The following PHIP variants were observed in gnomAD, a reference collection of about 807,000 sequenced individuals.
The protein encoded by PHIP is PHIP subunit of CUL4-Ring ligase complex.
Under a neutral mutation model 236.8 loss-of-function variants are expected in PHIP, and 54 were observed. The observed-to-expected ratio is 0.23, with a 90% CI of 0.18 to 0.29. The LOEUF (loss-of-function observed/expected upper bound fraction) is 0.29, where lower values mean the gene tolerates loss of function less well. Ranked by LOEUF, PHIP falls within the 10% of genes least tolerant of loss-of-function variation. The pLI is 1.00. For synonymous variants in PHIP, 756 were observed against 718.9 expected, an observed-to-expected ratio of 1.05 and a Z score of -0.83; for missense variants, 1,370 against 2,190.8, an observed-to-expected ratio of 0.63 and a Z score of 7.48.
intron 6 of PHIP, among the ~76,000 whole-genome samples, chr6:79,058,987 CA>C (rs1773214446): frequency 6.6e-6 from 1 of 151,984 alleles, no homozygotes. Flanking sequence ...CCTCGTCTCT[CA>C]AATTTTTTTG....
At chr6:78,999,680 T>G (rs1769861322) in intron 17 of PHIP, among the ~76,000 whole-genome samples, 1 of 152,032 alleles carries the variant, frequency 6.6e-6, no homozygotes, top group Non-Finnish European at 1.5e-5. Flanking sequence ...TCTGATCAGC[T>G]CAGAATTTTA....
intron 24 of PHIP, among the ~76,000 whole-genome samples, chr6:78,972,377 T>A (rs1195290886): frequency 1.3e-5 from 2 of 152,148 alleles, no homozygotes; most frequent in East Asian, 3.9e-4. Flanking sequence ...AACCCATCTG[T>A]ACATCACCAT....
intron 4 of PHIP, among the ~76,000 whole-genome samples, chr6:79,066,050 A>G (rs998257948): frequency 1.2e-4 from 18 of 152,012 alleles, no homozygotes; most frequent in African/African-American, 4.3e-4. Context: ...TTAAAATAAT[A>G]TAATAATAAA....
Position 78,970,165 on chromosome 6 carries a change from T to C in PHIP, c.3006A>G (p.Glu1002=). The change falls in exon 26 of 40, where the codon GAA becomes GAG. Residue 1002 remains glutamate, a synonymous_variant. Coordinates refer to ENST00000275034, the MANE Select transcript of PHIP (RefSeq NM_017934.7). The stretch of plus-strand genomic sequence containing the variant: ...ACTTTATGCCAACTATTTTCATAAG[T>C]TCTTGTTCCTGAGAGAGACAGAGAA... The part of the protein sequence containing the change: ...PWHKMELREQ[E]LMKIVGIKYE... The C allele has an allele frequency of 6.2e-7, 1 of 1,611,408 alleles. No homozygotes were observed. The highest frequency in any genetic ancestry group is 8.5e-7 in the Non-Finnish European group (1 of 1,178,028).
chr6:79,067,140 G>T (rs573424756), intron 4 of PHIP, among the ~76,000 whole-genome samples: 39 of 152,284 alleles, frequency 2.6e-4, no homozygotes, highest in African/African-American at 8.9e-4. Flanking sequence ...TCCTGCCTCA[G>T]CCTCTCAAGT....
intron 7 of PHIP, among the ~76,000 whole-genome samples, chr6:79,030,937 TTTTGTTTGTTTG>T (rs374346514): frequency 6.6e-6 from 1 of 152,028 alleles, no homozygotes; most frequent in Non-Finnish European, 1.5e-5. Flanking sequence ...TCTTGTTTTT[TTTTGTTTGTTTG>T]TTTGTTTGTT....
chr6:78,977,586 A>AGACCTTCAAG (rs1768196103), intron 24 of PHIP, among the ~76,000 whole-genome samples: 1 of 102,420 alleles, frequency 9.8e-6, no homozygotes, highest in Non-Finnish European at 2.3e-5. Flanking sequence ...TGAATAATGA[A>AGACCTTCAAG]GACCTTCAAG....
At chr6:79,044,966 A>T (rs960142078) in intron 6 of PHIP, among the ~76,000 whole-genome samples, 2 of 152,204 alleles carry the variant, frequency 1.3e-5, no homozygotes, top group Admixed American at 6.6e-5. Flanking sequence ...TTGAAAAAAA[A>T]GAATAACCTT....
At chr6:78,979,759 C>T (rs1365531649) in intron 23 of PHIP, among the ~76,000 whole-genome samples, 1 of 152,032 alleles carries the variant, frequency 6.6e-6, no homozygotes, top group Non-Finnish European at 1.5e-5. Context: ...TGATTGTACA[C>T]TAAGACTGCT....
chr6:79,017,542 G>C lies in PHIP; in HGVS notation c.1036C>G (p.Arg346Gly). 6.2e-7 allele frequency: 1 copy of C among 1,611,916 alleles called. No homozygotes were observed. Among genetic ancestry groups the C allele is most frequent in the Non-Finnish European group, 8.5e-7 (1 of 1,178,556 alleles). Residue 346 changes from arginine (R) to glycine (G), a missense_variant, in exon 11 of 40, where the codon CGG (arginine) becomes GGG (glycine). This residue lies in a region of PHIP where 188 missense variants were observed against 354.3 expected (regional missense o/e 0.53). Coordinates refer to ENST00000275034, the MANE Select transcript of PHIP (RefSeq NM_017934.7). ...TGACCTGATCCAAAAAAATAAACCC[G>C]AATAATATGATCTGTGCTTCCCGTC... ...LATGSTDHIIRVYFFGSGQPE... is the reference protein window; with the variant it reads ...LATGSTDHIIGVYFFGSGQPE...
At chr6:78,979,503 A>C (rs555294455) in intron 23 of PHIP, among the ~76,000 whole-genome samples, 6 of 152,210 alleles carry the variant, frequency 3.9e-5, no homozygotes, top group Admixed American at 3.9e-4. Flanking sequence ...TGCAACATGT[A>C]GAAAGCTAAT....
At chr6:78,979,879 C>T (rs540272524) in intron 23 of PHIP, among the ~76,000 whole-genome samples, 1 of 152,032 alleles carries the variant, frequency 6.6e-6, no homozygotes, top group African/African-American at 2.4e-5. Flanking sequence ...ACACTACTTG[C>T]AATAGGTAAT....
At chr6:79,053,125 C>T (rs1015394196) in intron 6 of PHIP, among the ~76,000 whole-genome samples, 1 of 152,002 alleles carries the variant, frequency 6.6e-6, no homozygotes, top group African/African-American at 2.4e-5. Context: ...ACCAGCCTGG[C>T]CAACATGGTG....
In PHIP at chr6:78,935,325, T is replaced by C. The variant is rs1486246953; in HGVS notation, c.*5368A>G. 4 of 156,848 alleles carry C rather than the reference T, an allele frequency of 2.6e-5. No individual in the cohort carries two copies. Among genetic ancestry groups the C allele is most frequent in the African/African-American group, 7.2e-5 (3 of 41,536 alleles). 9.7% of individuals were successfully genotyped at this position (156,848 alleles called of 1,614,324 possible). On this transcript the variant is annotated 3_prime_UTR_variant, in exon 40 of 40. Transcript: ENST00000275034. ...CACTCCATGTGCTTAATTTGAAATG[T>C]TATGGCCTTATGTATTCATATCTAA...
At chr6:79,015,809 T>A (rs771669079) in intron 13 of PHIP, 26 bp from the exon 14 acceptor site, 7 of 1,572,696 alleles carry the variant, frequency 4.5e-6, no homozygotes, top group Non-Finnish European at 5.2e-6. Flanking sequence ...TGTTTTACAC[T>A]GACTATTAAA....
intron 27 of PHIP, among the ~76,000 whole-genome samples, chr6:78,968,208 G>A (rs1445439155): frequency 6.6e-6 from 1 of 152,138 alleles, no homozygotes; most frequent in Admixed American, 6.5e-5. Flanking sequence ...ATGTACCAAA[G>A]GCTGATAGCC....
chr6:79,062,912 C>T (rs954777930), intron 4 of PHIP, among the ~76,000 whole-genome samples: 1 of 152,208 alleles, frequency 6.6e-6, no homozygotes, highest in Non-Finnish European at 1.5e-5. Flanking sequence ...GACCTATTTA[C>T]ACCACCTGTG....
rs1774230017 is a variant in PHIP, at chr6:79,077,450, G to A, written c.187C>T (p.Leu63=). 3 of 1,601,482 alleles carry A rather than the reference G, an allele frequency of 1.9e-6. No homozygotes were observed. The highest frequency in any genetic ancestry group is 1.4e-5 in the African/African-American group (1 of 74,004). ...GCTCTGCGACGTGAATGTCTCACCA[G>A]ATTCTGGTAGGTCCTGGGATGCTCC... ...GKEHPRTYQN[L]VKYYRHLAPD... is the part of the protein sequence containing the mutation. Residue 63 remains leucine, a splice_region_variant and synonymous_variant, in exon 4 of 40, where the codon CTG becomes TTG. Coordinates refer to ENST00000275034, the MANE Select transcript of PHIP (RefSeq NM_017934.7).
intron 39 of PHIP, among the ~76,000 whole-genome samples, chr6:78,944,625 C>T (rs892100763): frequency 2.0e-5 from 3 of 152,160 alleles, no homozygotes; most frequent in African/African-American, 7.2e-5. Context: ...TTTAAGTTTA[C>T]ACGGGTAGAT....
Sources: gnomAD v4.1 joint callset for allele counts (sites outside exome capture counted in the v4.1 genomes callset) on GRCh38, gnomAD v4.1.1 for gene constraint, gnomAD v4.1.1 regional missense constraint, MANE v1.5 for transcripts, NCBI Gene and HGNC (gene_info 2026-07-23, HGNC 2026-07-21) for gene names.